Variants in SLC9C2 observed in about 807,000 individuals in gnomAD.
The protein encoded by SLC9C2 is sodium/hydrogen exchanger 11.
In SLC9C2, 75 loss-of-function variants were observed where a neutral mutation model predicts 140.2. The ratio of observed to expected loss-of-function variants is 0.53; its 90% CI spans 0.44 to 0.65. SLC9C2 has a LOEUF of 0.65. Ranked by LOEUF, SLC9C2 falls within the 30% of genes least tolerant of loss-of-function variation. The pLI is 0.00. For synonymous variants in SLC9C2, 375 were observed against 420.9 expected, an observed-to-expected ratio of 0.89 and a Z score of 1.34; for missense variants, 1,074 against 1,331.8, an observed-to-expected ratio of 0.81 and a Z score of 3.01.
chr1:173,513,533 T>C (rs577320208), intron 23 of SLC9C2, among the ~76,000 whole-genome samples: 34 of 152,140 alleles, frequency 2.2e-4, no homozygotes, highest in Non-Finnish European at 5.0e-4. Context: ...ATTGTATCCA[T>C]TTGATTTCTC....
rs10707072 is a variant in SLC9C2 at position 173,536,905 on chromosome 1, AT to A, written c.1655+36del. On this transcript the variant is annotated intron_variant, in intron 14 of 27. Coordinates refer to ENST00000367714, the MANE Select transcript of SLC9C2 (RefSeq NM_178527.4). ...TCATTCTTCATCATATAGTCATTCA[AT>A]TTTGGAAATATCAATTAAAGAAGTG... 19,010 of 1,417,294 alleles carry A rather than the reference AT, an allele frequency of 0.013. 2,083 individuals carry two copies. In the African/African-American group the frequency reaches 0.23, roughly 17 times the overall value. 87.8% of individuals were successfully genotyped at this position (1,417,294 alleles called of 1,614,324 possible).
chr1:173,595,681 G>A (rs1173137080), intron 4 of SLC9C2, among the ~76,000 whole-genome samples: 1 of 151,914 alleles, frequency 6.6e-6, no homozygotes, highest in Non-Finnish European at 1.5e-5. Flanking sequence ...AAAGAAAACT[G>A]AATTCAATTA....
intron 21 of SLC9C2, 78 bp from the exon 22 acceptor site, chr1:173,521,477 C>CTA (rs146332693): frequency 0.012 from 3,042 of 253,608 alleles, 12 homozygotes; most frequent in Middle Eastern, 0.017. Flanking sequence ...TAAATATTTT[C>CTA]TATATATATA....
intron 4 of SLC9C2, among the ~76,000 whole-genome samples, chr1:173,589,027 A>G (rs1313650544): frequency 6.6e-6 from 1 of 152,190 alleles, no homozygotes; most frequent in Non-Finnish European, 1.5e-5. Flanking sequence ...GCAATGAACC[A>G]TGATATTACC....
At chr1:173,513,924 C>T (rs964635299) in intron 23 of SLC9C2, among the ~76,000 whole-genome samples, 8 of 152,204 alleles carry the variant, frequency 5.3e-5, no homozygotes, top group Admixed American at 4.6e-4. Flanking sequence ...AGGAGTTATT[C>T]AGGAGCAGAT....
intron 10 of SLC9C2, among the ~76,000 whole-genome samples, chr1:173,555,902 T>C (rs1663658367): frequency 1.3e-5 from 2 of 152,186 alleles, no homozygotes; most frequent in African/African-American, 4.8e-5. Context: ...ACTACTCTCT[T>C]TGATTGGATT....
At position 173,517,685 on chromosome 1, in the gene SLC9C2, G is replaced by T; in HGVS notation, c.2759C>A (p.Thr920Asn). The T allele has an allele frequency of 6.2e-7, 1 of 1,609,496 alleles. No individual in the cohort carries two copies. The highest frequency in any genetic ancestry group is 1.3e-5 in the African/African-American group (1 of 74,768). Residue 920 changes from threonine (T) to asparagine (N), a missense_variant, in exon 23 of 28, where the codon ACC (threonine) becomes AAC (asparagine). Transcript: ENST00000367714. ...CCTTTGATTACTCTCTATTCCAAAG[G>T]TAGGAGATAAACTATGCAACTGCAA... ...GMAILHSLSP[T>N]FGIESNQRCD...
chr1:173,525,229 T>A (rs1661116081), intron 19 of SLC9C2, among the ~76,000 whole-genome samples: 1 of 152,132 alleles, frequency 6.6e-6, no homozygotes, highest in Non-Finnish European at 1.5e-5. Flanking sequence ...TATTTTTACT[T>A]CTCTGTCTCA....
intron 9 of SLC9C2, 44 bp from the exon 10 acceptor site, chr1:173,557,552 T>G (rs765852003): frequency 1.3e-6 from 2 of 1,549,258 alleles, no homozygotes; most frequent in East Asian, 2.3e-5. Context: ...CCTTGTTTAT[T>G]AATGTTATTC....
At chr1:173,586,137 G>C (rs1665838795) in intron 5 of SLC9C2, among the ~76,000 whole-genome samples, 1 of 151,734 alleles carries the variant, frequency 6.6e-6, no homozygotes, top group African/African-American at 2.4e-5. Context: ...TGAAACAAGA[G>C]GTAAATACAA....
chr1:173,601,628 A>G, intron 2 of SLC9C2, 22 bp downstream of exon 2: 1 of 1,611,066 alleles, frequency 6.2e-7, no homozygotes, highest in Non-Finnish European at 8.5e-7. Context: ...AGGAAAGATG[A>G]GTTTCAAAAA....
chr1:173,508,378 G>T (rs1001206388), intron 24 of SLC9C2, among the ~76,000 whole-genome samples: 7 of 151,756 alleles, frequency 4.6e-5, no homozygotes, highest in Non-Finnish European at 7.4e-5. Flanking sequence ...ATGAATATGT[G>T]TTGCTTGTGA....
intron 14 of SLC9C2, 79 bp downstream of exon 14, chr1:173,536,863 T>C (rs1349690167): frequency 9.8e-7 from 1 of 1,017,126 alleles, no homozygotes; most frequent in Non-Finnish European, 1.5e-6. Context: ...AATCAGGACA[T>C]TTAATTCTCA....
At chr1:173,579,404 G>A (rs760455056) in intron 7 of SLC9C2, among the ~76,000 whole-genome samples, 4 of 152,046 alleles carry the variant, frequency 2.6e-5, no homozygotes, top group South Asian at 2.1e-4. Flanking sequence ...ACTGCAAATC[G>A]GGGCTTTTTC....
chr1:173,584,421 G>T (rs1419460098), intron 5 of SLC9C2, among the ~76,000 whole-genome samples: 1 of 152,076 alleles, frequency 6.6e-6, no homozygotes, highest in African/African-American at 2.4e-5. Flanking sequence ...TAACAATTTT[G>T]TAGTGCAGGC....
intron 9 of SLC9C2, among the ~76,000 whole-genome samples, chr1:173,568,140 T>G (rs1327944966): frequency 2.6e-5 from 4 of 152,162 alleles, no homozygotes; most frequent in Admixed American, 6.5e-5. Context: ...TTAAATATTT[T>G]ATTTTAGGTT....
chr1:173,524,832 AG>A lies in SLC9C2; in HGVS notation c.2460del (p.Phe821SerfsTer16). On this transcript the variant is annotated frameshift_variant, in exon 20 of 28. Transcript: ENST00000367714. LOFTEE classifies it high-confidence loss of function. ...NVIAKALKNLTFLCSRGIIDK... is the reference protein window; with the variant it reads ...NVIAKALKNLXFLCSRGIIDK... ...TCAATAATGCCTCTTGAACAAAGGA[AG>A]GTGAGATTTTTTAGAGCTTTAGCAA... The A allele has an allele frequency of 6.2e-7, 1 of 1,614,122 alleles. No individual in the cohort carries two copies. Among genetic ancestry groups the A allele is most frequent in the Non-Finnish European group, 8.5e-7 (1 of 1,179,972 alleles).
chr1:173,599,694 C>T (rs1012529290), intron 3 of SLC9C2, among the ~76,000 whole-genome samples: 6 of 151,962 alleles, frequency 3.9e-5, no homozygotes, highest in African/African-American at 1.2e-4. Flanking sequence ...ACCTCCATCT[C>T]CTCCGTTCAA....
chr1:173,526,718 T>TA lies in SLC9C2; in HGVS notation c.2314-5dup. The TA allele has an allele frequency of 5.1e-6, 8 of 1,575,068 alleles. No individual in the cohort carries two copies. Among genetic ancestry groups the TA allele is most frequent in the Non-Finnish European group, 6.0e-6 (7 of 1,162,518 alleles). ...TTTCCAAAATTTCACATAGTTTCTG[T>TA]AAAAAATTAAGAAAAACATGTATTT... is the stretch of plus-strand genomic sequence containing the variant. On this transcript the variant is annotated splice_region_variant and splice_polypyrimidine_tract_variant and intron_variant, in intron 18 of 27. Transcript: ENST00000367714.
Sources: allele counts gnomAD v4.1 joint callset (sites outside exome capture counted in the v4.1 genomes callset), GRCh38; gene constraint gnomAD v4.1.1; transcripts MANE v1.5; gene names NCBI Gene and HGNC (gene_info 2026-07-23, HGNC 2026-07-21).